The following KCNIP4 variants were observed in gnomAD, a reference collection of about 807,000 sequenced individuals.
The protein encoded by KCNIP4 is potassium voltage-gated channel interacting protein 4, also known as Kv channel-interacting protein 4.
Under a neutral mutation model 34.0 loss-of-function variants are expected in KCNIP4, and 12 were observed. That is an observed-to-expected ratio of 0.35 (90% CI 0.23 to 0.57). The LOEUF (loss-of-function observed/expected upper bound fraction) is 0.57. Ranked by LOEUF, KCNIP4 falls within the 20% of genes least tolerant of loss-of-function variation. The probability of loss-of-function intolerance (pLI) is 0.83; values close to 1 mark genes in which losing one functional copy is unlikely to be tolerated. For synonymous variants in KCNIP4, 124 were observed against 102.2 expected (o/e 1.21, Z -1.29); for missense variants, 238 against 311.7 (o/e 0.76, Z 1.78).
chr4:21,767,858 G>C (rs16871892), intron 1 of KCNIP4, among the ~76,000 whole-genome samples: 22,491 of 151,964 alleles, frequency 0.15, 5,597 homozygotes, highest in African/African-American at 0.51. Context: ...ATCTATTTCA[G>C]TATTGACAGA....
At chr4:21,753,541 A>C (rs1211424167) in intron 1 of KCNIP4, among the ~76,000 whole-genome samples, 1 of 152,206 alleles carries the variant, frequency 6.6e-6, no homozygotes, top group East Asian at 1.9e-4. Flanking sequence ...TCTCTAAAAA[A>C]ATATGCCCTA....
At chr4:21,355,372 T>C (rs1325442953) in intron 1 of KCNIP4, among the ~76,000 whole-genome samples, 2 of 152,032 alleles carry the variant, frequency 1.3e-5, no homozygotes, top group African/African-American at 2.4e-5. Context: ...AGCTAGTTTT[T>C]TGAAAAGACC....
At chr4:21,637,301 AG>A (rs1746261651) in intron 1 of KCNIP4, among the ~76,000 whole-genome samples, 1 of 152,180 alleles carries the variant, frequency 6.6e-6, no homozygotes, top group South Asian at 2.1e-4. Flanking sequence ...TAAATACTTT[AG>A]TAAATACTTC....
At chr4:21,291,867 AAAAG>A (rs1211617062) in intron 1 of KCNIP4, among the ~76,000 whole-genome samples, 5,114 of 50,300 alleles carry the variant, frequency 0.1, 333 homozygotes, top group East Asian at 0.13. Context: ...AAAAAAAAAA[AAAAG>A]AAAGAAAGAA....
chr4:20,833,046 A>G, intron 3 of KCNIP4, among the ~76,000 whole-genome samples: 1 of 152,216 alleles, frequency 6.6e-6, no homozygotes, highest in East Asian at 1.9e-4. Flanking sequence ...CTCTGTCACC[A>G]AATAGCTTGT....
chr4:20,787,378 A>G (rs755758494), intron 3 of KCNIP4, among the ~76,000 whole-genome samples: 46 of 152,160 alleles, frequency 3.0e-4, no homozygotes, highest in Non-Finnish European at 6.2e-4. Context: ...TGAGAATGCT[A>G]TATGAGTATT....
chr4:21,777,054 T>C (rs1309651263), intron 1 of KCNIP4, among the ~76,000 whole-genome samples: 1 of 152,130 alleles, frequency 6.6e-6, no homozygotes, highest in African/African-American at 2.4e-5. Flanking sequence ...ATTACAGGCA[T>C]GAGCTACCGC....
At chr4:20,951,562 C>T (rs1330188865) in intron 1 of KCNIP4, among the ~76,000 whole-genome samples, 1 of 152,140 alleles carries the variant, frequency 6.6e-6, no homozygotes, top group African/African-American at 2.4e-5. Flanking sequence ...AGACTAAATG[C>T]TATTCCCCCT....
intron 1 of KCNIP4, among the ~76,000 whole-genome samples, chr4:21,452,123 G>C (rs1267264557): frequency 6.6e-6 from 1 of 151,866 alleles, no homozygotes; most frequent in Non-Finnish European, 1.5e-5. Flanking sequence ...CGTAGGCACT[G>C]AGGGGATCTG....
chr4:21,792,856 C>T (rs1720387377), intron 1 of KCNIP4, among the ~76,000 whole-genome samples: 2 of 152,256 alleles, frequency 1.3e-5, no homozygotes, highest in Non-Finnish European at 2.9e-5. Context: ...TCCATAGTTT[C>T]CTATTTCTTT....
At chr4:21,659,997 C>T (rs1010444002) in intron 1 of KCNIP4, among the ~76,000 whole-genome samples, 10 of 152,112 alleles carry the variant, frequency 6.6e-5, no homozygotes, top group Non-Finnish European at 1.0e-4. Context: ...TTTACCATGT[C>T]TTTCCTTTCC....
chr4:20,869,085 G>C lies in KCNIP4; in HGVS notation c.163+13523C>G, dbSNP rs1014856244. ...ACTGTGTTGCCTTAGAAAGTAGGCA[G>C]TACACAGATGGAATTGATTACCTAG... On this transcript the variant is annotated intron_variant, in intron 2 of 8. Transcript: ENST00000382152. 3.9e-5 allele frequency among the ~76,000 whole-genome samples: 6 copies of C among 152,274 alleles called. No homozygotes were observed. The South Asian group carries it at 1.0e-3, about 26-fold the overall frequency.
At chr4:21,260,782 A>G (rs1761418669) in intron 1 of KCNIP4, among the ~76,000 whole-genome samples, 1 of 152,164 alleles carries the variant, frequency 6.6e-6, no homozygotes, top group Non-Finnish European at 1.5e-5. Context: ...TATTTTTGTC[A>G]TTCCAACTAT....
intron 3 of KCNIP4, among the ~76,000 whole-genome samples, chr4:20,803,703 A>AAG (rs57764706): frequency 0.015 from 1,948 of 125,790 alleles, 45 homozygotes; most frequent in African/African-American, 0.049. Flanking sequence ...GAGAGAGAGA[A>AAG]AGAGAGAGAG....
intron 1 of KCNIP4, among the ~76,000 whole-genome samples, chr4:21,053,577 C>A (rs1472388171): frequency 6.6e-6 from 1 of 152,070 alleles, no homozygotes; most frequent in African/African-American, 2.4e-5. Context: ...ATAAAATTGT[C>A]TTTGTTCTCA....
intron 1 of KCNIP4, among the ~76,000 whole-genome samples, chr4:21,000,307 AG>A (rs1486067142): frequency 4.6e-5 from 7 of 152,134 alleles, no homozygotes; most frequent in Non-Finnish European, 1.0e-4. Flanking sequence ...TCTATTCTAC[AG>A]AAAAAAAAGA....
chr4:21,893,478 G>A (rs1727220262), intron 1 of KCNIP4, among the ~76,000 whole-genome samples: 1 of 152,142 alleles, frequency 6.6e-6, no homozygotes, highest in African/African-American at 2.4e-5. Context: ...CCATCAATGA[G>A]TAAAATGTAT....
chr4:21,916,916 C>T (rs1039091219), intron 1 of KCNIP4, among the ~76,000 whole-genome samples: 7 of 152,208 alleles, frequency 4.6e-5, no homozygotes, highest in African/African-American at 1.7e-4. Context: ...TTTCTTACAT[C>T]CTAAATTGTT....
intron 1 of KCNIP4, among the ~76,000 whole-genome samples, chr4:21,908,693 A>G (rs1235246555): frequency 6.6e-6 from 1 of 152,144 alleles, no homozygotes; most frequent in Non-Finnish European, 1.5e-5. Flanking sequence ...AGTTCCTTAT[A>G]AGGTTTAGGA....
Sources: gnomAD v4.1 joint callset for allele counts (sites outside exome capture counted in the v4.1 genomes callset) on GRCh38, gnomAD v4.1.1 for gene constraint, MANE v1.5 for transcripts, NCBI Gene and HGNC (gene_info 2026-07-23, HGNC 2026-07-21) for gene names.